Variants in PKHD1 observed in about 807,000 individuals in gnomAD.
PKHD1 encodes the protein fibrocystin.
A neutral mutation model predicts 412.0 loss-of-function variants in PKHD1; 291 were observed. The observed-to-expected ratio is 0.71, with a 90% CI of 0.64 to 0.78. PKHD1 has a LOEUF of 0.78. PKHD1 is among the 30% of genes least tolerant of loss of function. The pLI, the probability that PKHD1 is intolerant of heterozygous loss-of-function variation, is 0.00. For missense variants in PKHD1, 4,825 were observed against 4,950.7 expected, an observed-to-expected ratio of 0.97 and a Z score of 0.76; for synonymous variants, 1,777 against 1,821.5, an observed-to-expected ratio of 0.98 and a Z score of 0.62.
At chr6:51,896,454 C>G (rs988619987) in intron 43 of PKHD1, among the ~76,000 whole-genome samples, 37 of 152,284 alleles carry the variant, frequency 2.4e-4, no homozygotes, top group African/African-American at 8.2e-4. Flanking sequence ...GCTGAGGGTC[C>G]TGTCTGTTAA....
At position 52,043,577 on chromosome 6, in the gene PKHD1, G is replaced by A. The variant is rs367982195; in HGVS notation, c.2821+48C>T. ...CTACATGGCCTCTAACAAAATCACTGCAAGTCTCCGGCTTAAGCCCATCTC... is the reference window on the plus strand; with the variant it reads ...CTACATGGCCTCTAACAAAATCACTACAAGTCTCCGGCTTAAGCCCATCTC... On this transcript the variant is annotated intron_variant, in intron 26 of 66. Transcript: ENST00000371117. 6.1e-5 allele frequency: 81 copies of A among 1,331,448 alleles called. 1 individual carries two copies. The African/African-American group carries it at 1.0e-3, about 17-fold the overall frequency. The allele number at this position is 1,331,448 out of a possible 1,614,324, so 82.5% of individuals were successfully genotyped here.
chr6:52,047,696 T>C (rs12198130), intron 23 of PKHD1, among the ~76,000 whole-genome samples: 3,908 of 152,190 alleles, frequency 0.026, 77 homozygotes, highest in South Asian at 0.084. Context: ...TATAAAACTC[T>C]AGAAAGAAGA....
intron 60 of PKHD1, among the ~76,000 whole-genome samples, chr6:51,686,070 A>T (rs1239410125): frequency 1.3e-5 from 2 of 152,110 alleles, no homozygotes; most frequent in Non-Finnish European, 2.9e-5. Flanking sequence ...CTGGCTGACA[A>T]AATTCATTCT....
chr6:51,748,154 G>A lies in PKHD1; in HGVS notation c.9462C>T (p.Asp3154=), dbSNP rs1173000316. 6.2e-7 allele frequency: 1 copy of A among 1,614,112 alleles called. No individual in the cohort carries two copies. The highest frequency in any genetic ancestry group is 1.7e-5 in the Admixed American group (1 of 60,014). ...TCTCTACATGTAACATGGCACCATA[G>A]TCAAAGTTCTTGAAAGCCAAGAAGC... ...ISGFLAFKNF[D]YGAMLHVENS... The change falls in exon 58 of 67, where the codon GAC becomes GAT. Residue 3154 remains aspartate (D), a synonymous_variant. Coordinates refer to ENST00000371117, the MANE Select transcript of PKHD1 (RefSeq NM_138694.4).
At chr6:51,658,783 C>G (rs1372669820) in intron 61 of PKHD1, among the ~76,000 whole-genome samples, 169 bp downstream of exon 61, 1 of 151,982 alleles carries the variant, frequency 6.6e-6, no homozygotes, top group Admixed American at 6.6e-5. Flanking sequence ...AATATAGAAT[C>G]TAAAAACTAA....
rs780182068 is a variant in PKHD1, at chr6:51,659,361, G to A, written c.10765C>T (p.Gln3589Ter). ...AACCTGATTTGGTTTTGGCCAATCTGTAAGAAGTTAGTTAGTCTTTCGAGT... is the reference window on the plus strand; with the variant it reads ...AACCTGATTTGGTTTTGGCCAATCTATAAGAAGTTAGTTAGTCTTTCGAGT... ...VILERLTNFL[Q>*]IGQNQIRFIH... Residue 3589 changes from glutamine to a stop codon, truncating the protein, a stop_gained, in exon 61 of 67, where the codon CAG (glutamine) becomes TAG (stop). Coordinates refer to ENST00000371117, the MANE Select transcript of PKHD1 (RefSeq NM_138694.4). LOFTEE classifies it high-confidence loss of function. 3.1e-6 allele frequency: 5 copies of A among 1,613,666 alleles called. No individual in the cohort carries two copies. Among genetic ancestry groups the A allele is most frequent in the African/African-American group, 2.7e-5 (2 of 74,868 alleles).
chr6:51,622,558 T>C (rs888347710), intron 66 of PKHD1: 2 of 152,210 alleles, frequency 1.3e-5, no homozygotes, highest in Non-Finnish European at 2.9e-5. Context: ...CATAATTAAA[T>C]ACTAATGCTT....
chr6:51,821,644 A>T (rs998585704), intron 52 of PKHD1, among the ~76,000 whole-genome samples: 1 of 152,184 alleles, frequency 6.6e-6, no homozygotes, highest in African/African-American at 2.4e-5. Context: ...TATATTTTGT[A>T]TTGTGTTGTG....
rs184758808 is a variant in PKHD1 at position 51,960,353 on chromosome 6, T to C, written c.5752-327A>G. On this transcript the variant is annotated intron_variant, in intron 35 of 66. Transcript: ENST00000371117. ...AACATGCTGGTAATGTTTTCTTGCCTTTTTTTTCCCCTCTAGCACAGGCCC... is the reference window on the plus strand; with the variant it reads ...AACATGCTGGTAATGTTTTCTTGCCCTTTTTTTCCCCTCTAGCACAGGCCC... Among the ~76,000 whole-genome samples, 4 of 152,012 alleles carry C rather than the reference T, an allele frequency of 2.6e-5. No individual in the cohort carries two copies. In the Admixed American group the frequency reaches 2.6e-4, roughly 10 times the overall value.
intron 37 of PKHD1, among the ~76,000 whole-genome samples, chr6:51,926,481 GTATA>G (rs1785646699): frequency 6.6e-6 from 1 of 152,130 alleles, no homozygotes; most frequent in Admixed American, 6.6e-5. Flanking sequence ...ACACTTTCAA[GTATA>G]TATAGAAACT....
intron 51 of PKHD1, 136 bp downstream of exon 51, chr6:51,836,268 T>C (rs1301066670): frequency 1.4e-6 from 1 of 718,154 alleles, no homozygotes; most frequent in Admixed American, 2.0e-5. Flanking sequence ...GGCAACACAA[T>C]AGAGAGTTAT....
At chr6:51,894,812 C>T (rs2474895) in intron 43 of PKHD1, among the ~76,000 whole-genome samples, 11,903 of 152,222 alleles carry the variant, frequency 0.078, 682 homozygotes, top group African/African-American at 0.16. Context: ...ATGTCAATGT[C>T]CTGGCCTTGG....
chr6:51,980,331 G>A (rs1236051479), intron 35 of PKHD1, among the ~76,000 whole-genome samples: 1 of 152,158 alleles, frequency 6.6e-6, no homozygotes, highest in Non-Finnish European at 1.5e-5. Context: ...AATGTCAGTA[G>A]ACCTGCTTCA....
chr6:51,695,856 C>A (rs1481189421), intron 60 of PKHD1, among the ~76,000 whole-genome samples: 2 of 152,126 alleles, frequency 1.3e-5, no homozygotes, highest in Non-Finnish European at 2.9e-5. Flanking sequence ...CTCTTCCCCC[C>A]TTTACTATCT....
intron 19 of PKHD1, among the ~76,000 whole-genome samples, chr6:52,054,411 TCAAA>T (rs1331245721): frequency 5.9e-5 from 9 of 152,326 alleles, no homozygotes; most frequent in South Asian, 4.1e-4. Context: ...AAAAATGTCA[TCAAA>T]CAGAGTTTTT....
At chr6:52,021,831 T>C (rs1463913417) in intron 33 of PKHD1, among the ~76,000 whole-genome samples, 2 of 152,142 alleles carry the variant, frequency 1.3e-5, no homozygotes, top group African/African-American at 4.8e-5. Flanking sequence ...CACAATAGCA[T>C]TATCCATCAT....
chr6:51,830,673 G>A (rs540598795), intron 52 of PKHD1, among the ~76,000 whole-genome samples, 188 bp downstream of exon 52: 4 of 152,240 alleles, frequency 2.6e-5, no homozygotes, highest in Admixed American at 2.6e-4. Flanking sequence ...GGTTAATTTT[G>A]GGGGGATTTC....
rs1281560831 is a variant in PKHD1, at chr6:51,994,157, C to A, written c.5751+16152G>T. On this transcript the variant is annotated intron_variant, in intron 35 of 66. Coordinates refer to ENST00000371117, the MANE Select transcript of PKHD1 (RefSeq NM_138694.4). ...TTCTTTCTTTTTTTTTTTTTTGAGA[C>A]ACAGTCTCGCTCTTTCGCCCAGGCC... Among the ~76,000 whole-genome samples the A allele has an allele frequency of 2.1e-5, 3 of 144,166 alleles. No homozygotes were observed. The Admixed American group carries it at 2.2e-4, about 10-fold the overall frequency. The allele number at this position is 144,166 out of a possible 152,430, so 94.6% of individuals were successfully genotyped here. A position where few individuals can be genotyped will look rare whatever the true frequency, so the allele number is the denominator to read the frequency against.
intron 60 of PKHD1, among the ~76,000 whole-genome samples, chr6:51,694,547 C>CATT (rs1562116019): frequency 3.6e-5 from 2 of 55,448 alleles, no homozygotes; most frequent in African/African-American, 6.5e-5. Flanking sequence ...CCACAACCAG[C>CATT]CTTTTTTTTT....
Sources: allele counts gnomAD v4.1 joint callset (sites outside exome capture counted in the v4.1 genomes callset), GRCh38; gene constraint gnomAD v4.1.1; transcripts MANE v1.5; gene names NCBI Gene and HGNC (gene_info 2026-07-23, HGNC 2026-07-21).